PDZRN4: variants seen among roughly 807,000 people sequenced by gnomAD.
PDZRN4 encodes PDZ domain-containing RING finger protein 4.
In PDZRN4, 70 loss-of-function variants were observed where a neutral mutation model predicts 99.0. The observed-to-expected ratio is 0.71, with a 90% CI of 0.58 to 0.86. The LOEUF (loss-of-function observed/expected upper bound fraction) is 0.86. PDZRN4 is among the 40% of genes least tolerant of loss of function. The pLI, the probability that PDZRN4 is intolerant of heterozygous loss-of-function variation, is 0.00. For synonymous variants in PDZRN4, 551 were observed against 501.6 expected, an observed-to-expected ratio of 1.10 and a Z score of -1.32; for missense variants, 1,474 against 1,331.2, an observed-to-expected ratio of 1.11 and a Z score of -1.67.
At chr12:41,529,227 G>T (rs2608693) in intron 5 of PDZRN4, among the ~76,000 whole-genome samples, 13 of 141,388 alleles carry the variant, frequency 9.2e-5, no homozygotes, top group African/African-American at 2.9e-4. Context: ...GTGTGTGTGT[G>T]TTTGTGTGTG....
intron 3 of PDZRN4, among the ~76,000 whole-genome samples, chr12:41,475,702 T>C (rs1421285253): frequency 6.6e-6 from 1 of 152,230 alleles, no homozygotes; most frequent in East Asian, 1.9e-4. Flanking sequence ...TTTTGTTTAT[T>C]TCTTTTATAC....
intron 3 of PDZRN4, among the ~76,000 whole-genome samples, chr12:41,308,362 T>A (rs987409720): frequency 2.0e-4 from 30 of 152,324 alleles, no homozygotes; most frequent in African/African-American, 7.2e-4. Flanking sequence ...ATTAAGATCC[T>A]TAAATATCGG....
chr12:41,282,029 C>A (rs772048658), intron 3 of PDZRN4, among the ~76,000 whole-genome samples: 1 of 152,152 alleles, frequency 6.6e-6, no homozygotes, highest in African/African-American at 2.4e-5. Context: ...ACAATATTAA[C>A]CTTAAATGTA....
chr12:41,283,053 G>C (rs77372635), intron 3 of PDZRN4, among the ~76,000 whole-genome samples: 2,340 of 149,912 alleles, frequency 0.016, 23 homozygotes, highest in Middle Eastern at 0.034. Context: ...TAGGAGCAGG[G>C]AAAACCCTCC....
chr12:41,205,424 C>T, intron 3 of PDZRN4, among the ~76,000 whole-genome samples: 1 of 151,920 alleles, frequency 6.6e-6, no homozygotes, highest in East Asian at 1.9e-4. Context: ...TGAGGTCCTG[C>T]CTCCTCTGGC....
Position 41,194,161 on chromosome 12 carries a change from C to G in PDZRN4, c.816C>G (p.Gly272=), listed in dbSNP as rs1000010179. Residue 272 remains glycine, a synonymous_variant, in exon 3 of 10, where the codon GGC becomes GGG. Coordinates refer to ENST00000402685, the MANE Select transcript of PDZRN4 (RefSeq NM_001164595.2). ...ATGGACCTGCTGACAGAGCAGATGG[C>G]CTGGAGATTCATGACAAAATCATGG... ...LENGPADRAD[G]LEIHDKIMEV... The G allele has an allele frequency of 1.3e-6, 2 of 1,534,492 alleles. No individual in the cohort carries two copies. Among genetic ancestry groups the G allele is most frequent in the Admixed American group, 1.7e-5 (1 of 59,822 alleles).
At chr12:41,232,786 G>A (rs1015604457) in intron 3 of PDZRN4, among the ~76,000 whole-genome samples, 1 of 152,078 alleles carries the variant, frequency 6.6e-6, no homozygotes, top group Non-Finnish European at 1.5e-5. Context: ...TTTTCTTCTA[G>A]GGTTTTTATG....
chr12:41,460,064 A>T, intron 3 of PDZRN4: 4 of 1,284,870 alleles, frequency 3.1e-6, no homozygotes, highest in Non-Finnish European at 4.1e-6. Context: ...CTCCTTGTGA[A>T]TGAGTGGTAA....
rs1378379606 is a variant in PDZRN4, at chr12:41,573,126, T to C, written c.2347T>C (p.Ser783Pro). 1.2e-6 allele frequency: 2 copies of C among 1,614,090 alleles called. No individual in the cohort carries two copies. The highest frequency in any genetic ancestry group is 1.7e-6 in the Non-Finnish European group (2 of 1,180,002). The change falls in exon 10 of 10, where the codon TCC becomes CCC. Residue 783 changes from serine (S) to proline (P), a missense_variant. Transcript: ENST00000402685. Reference protein sequence around the residue: ...RSTMAATQSSSGQSSKESTST... With the variant: ...RSTMAATQSSPGQSSKESTST... ...CACAATGGCAGCCACCCAGTCCTCT[T>C]CCGGACAGAGCAGTAAAGAGTCGAC...
chr12:41,324,728 C>T lies in PDZRN4; in HGVS notation c.843+130540C>T, dbSNP rs559624952. 8.5e-5 allele frequency among the ~76,000 whole-genome samples: 13 copies of T among 152,158 alleles called. No individual in the cohort carries two copies. In the South Asian group the frequency reaches 1.5e-3, roughly 17 times the overall value. On this transcript the variant is annotated intron_variant, in intron 3 of 9. Transcript: ENST00000402685. ...TTTCCAACATAGTAGTCAATAGTCA[C>T]AGATGACTTTTGAACAATTAAAACA...
intron 3 of PDZRN4, among the ~76,000 whole-genome samples, chr12:41,320,391 A>G (rs1469667528): frequency 6.6e-6 from 1 of 152,172 alleles, no homozygotes; most frequent in Non-Finnish European, 1.5e-5. Context: ...CTATCAATAA[A>G]TGTTTGGATT....
chr12:41,417,055 G>C (rs1952451311), intron 3 of PDZRN4, among the ~76,000 whole-genome samples: 1 of 152,124 alleles, frequency 6.6e-6, no homozygotes, highest in African/African-American at 2.4e-5. Context: ...GGTAACCTCT[G>C]TTTATGGCTT....
At chr12:41,415,968 G>A (rs755486024) in intron 3 of PDZRN4, among the ~76,000 whole-genome samples, 4 of 152,134 alleles carry the variant, frequency 2.6e-5, no homozygotes, top group African/African-American at 4.8e-5. Context: ...AACAGACTAA[G>A]TCTAGCTAGG....
chr12:41,420,783 T>C (rs181200462), intron 3 of PDZRN4, among the ~76,000 whole-genome samples: 1 of 152,298 alleles, frequency 6.6e-6, no homozygotes, highest in Non-Finnish European at 1.5e-5. Context: ...AATGCCCAAC[T>C]CACTGCCTCA....
At chr12:41,300,583 T>C (rs1951529100) in intron 3 of PDZRN4, among the ~76,000 whole-genome samples, 2 of 151,958 alleles carry the variant, frequency 1.3e-5, no homozygotes, top group East Asian at 1.9e-4. Context: ...TCATTATCTC[T>C]TCTTTGAGAA....
intron 3 of PDZRN4, among the ~76,000 whole-genome samples, chr12:41,463,290 A>G (rs1952889730): frequency 6.6e-6 from 1 of 151,936 alleles, no homozygotes; most frequent in Admixed American, 6.6e-5. Context: ...CATTTTCTCC[A>G]CTTCAGGGAT....
At chr12:41,192,536 A>G (rs1313468202) in intron 2 of PDZRN4, among the ~76,000 whole-genome samples, 2 of 152,226 alleles carry the variant, frequency 1.3e-5, no homozygotes, top group African/African-American at 4.8e-5. Flanking sequence ...GAATAAACCT[A>G]TTTCACAATA....
At chr12:41,241,978 C>G (rs1262273242) in intron 3 of PDZRN4, among the ~76,000 whole-genome samples, 3 of 152,200 alleles carry the variant, frequency 2.0e-5, no homozygotes, top group Non-Finnish European at 4.4e-5. Flanking sequence ...ATGTTTCACT[C>G]TTGGAAATTT....
intron 1 of PDZRN4, 38 bp from the exon 2 acceptor site, chr12:41,191,420 T>A (rs1950734444): frequency 1.0e-6 from 1 of 1,001,710 alleles, no homozygotes; most frequent in African/African-American, 1.6e-5. Context: ...TCTTTTATAT[T>A]TTTACCTGGT....
Sources: allele counts gnomAD v4.1 joint callset (sites outside exome capture counted in the v4.1 genomes callset), GRCh38; gene constraint gnomAD v4.1.1; transcripts MANE v1.5; gene names NCBI Gene and HGNC (gene_info 2026-07-23, HGNC 2026-07-21).